TAFA2: variants seen among roughly 807,000 people sequenced by gnomAD.
The protein encoded by TAFA2 is TAFA chemokine like family member 2, also known as chemokine-like protein TAFA-2.
Under a neutral mutation model 18.8 loss-of-function variants are expected in TAFA2, and 7 were observed. The ratio of observed to expected loss-of-function variants is 0.37; its 90% CI spans 0.21 to 0.70. The LOEUF (loss-of-function observed/expected upper bound fraction) is 0.70. Among genes scored for constraint, TAFA2 ranks in the 30% least tolerant of loss-of-function variants. The pLI, the probability that TAFA2 is intolerant of heterozygous loss-of-function variation, is 0.53. For synonymous variants in TAFA2, 60 were observed against 54.2 expected (o/e 1.11, Z -0.47); for missense variants, 122 against 158.1 (o/e 0.77, Z 1.23).
intron 1 of TAFA2, among the ~76,000 whole-genome samples, chr12:62,247,328 G>T (rs995237287): frequency 6.6e-6 from 1 of 152,130 alleles, no homozygotes; most frequent in Non-Finnish European, 1.5e-5. Flanking sequence ...TTATAGAGGT[G>T]TAATGTCAAA....
At chr12:61,914,477 G>A (rs1481122923) in intron 1 of TAFA2, among the ~76,000 whole-genome samples, 1 of 152,104 alleles carries the variant, frequency 6.6e-6, no homozygotes, top group African/African-American at 2.4e-5. Flanking sequence ...AGAAAGCCTG[G>A]TTTTTTGAAA....
At chr12:62,222,209 A>C (rs1312521531) in intron 1 of TAFA2, among the ~76,000 whole-genome samples, 2 of 152,008 alleles carry the variant, frequency 1.3e-5, no homozygotes, top group Non-Finnish European at 2.9e-5. Context: ...ACACACACAC[A>C]CATCTGGAGT....
intron 1 of TAFA2, among the ~76,000 whole-genome samples, chr12:62,099,065 C>T (rs1251513502): frequency 6.6e-6 from 1 of 151,918 alleles, no homozygotes. Flanking sequence ...TTATTTAATC[C>T]AGTACATGTC....
intron 1 of TAFA2, among the ~76,000 whole-genome samples, chr12:62,164,788 A>G (rs1375460938): frequency 6.6e-6 from 1 of 152,116 alleles, no homozygotes; most frequent in Non-Finnish European, 1.5e-5. Flanking sequence ...TTAAATAGAA[A>G]GGACATTGAG....
chr12:62,162,770 A>G (rs1312195483), intron 1 of TAFA2, among the ~76,000 whole-genome samples: 2 of 152,250 alleles, frequency 1.3e-5, no homozygotes, highest in East Asian at 3.9e-4. Context: ...AGGAATTTAG[A>G]TCAACAAATA....
intron 1 of TAFA2, among the ~76,000 whole-genome samples, chr12:62,230,727 G>C (rs372442824): frequency 2.6e-5 from 4 of 152,144 alleles, no homozygotes; most frequent in East Asian, 1.9e-4. Flanking sequence ...ACCCAGGCTG[G>C]AGTGCAGTGA....
At chr12:61,742,488 T>C (rs1047709319) in intron 4 of TAFA2, among the ~76,000 whole-genome samples, 1 of 152,112 alleles carries the variant, frequency 6.6e-6, no homozygotes, top group Admixed American at 6.5e-5. Context: ...CCCCAGACTC[T>C]GGTCTTTCTT....
chr12:61,919,054 A>T lies in TAFA2; in HGVS notation c.-1-51628T>A, dbSNP rs1876940431. On this transcript the variant is annotated intron_variant, in intron 1 of 4. Transcript: ENST00000416284. ...TAAGTAAAGCATATAGCATACTGCC[A>T]ACAGTGGCCTGTTAAGTAATTGTAG... Among the ~76,000 whole-genome samples, 5 of 152,224 alleles carry T rather than the reference A, an allele frequency of 3.3e-5. No homozygotes were observed. In the South Asian group the frequency reaches 1.0e-3, roughly 31 times the overall value.
intron 2 of TAFA2, among the ~76,000 whole-genome samples, chr12:61,763,556 G>A (rs1347455611): frequency 1.3e-5 from 2 of 151,808 alleles, no homozygotes; most frequent in Non-Finnish European, 1.5e-5. Context: ...ACACTGTCCA[G>A]CAACTTCTGC....
intron 1 of TAFA2, among the ~76,000 whole-genome samples, chr12:62,202,655 T>C (rs1592398655): frequency 6.6e-6 from 1 of 152,170 alleles, no homozygotes; most frequent in South Asian, 2.1e-4. Context: ...TTTAGTGTTA[T>C]AAATTTCCCT....
intron 1 of TAFA2, among the ~76,000 whole-genome samples, chr12:61,884,182 C>T (rs889119595): frequency 2.0e-4 from 31 of 152,122 alleles, no homozygotes; most frequent in African/African-American, 6.5e-4. Flanking sequence ...GTGTATTAAG[C>T]GGAGGAATAA....
chr12:61,924,710 T>A (rs1877203518), intron 1 of TAFA2, among the ~76,000 whole-genome samples: 1 of 152,164 alleles, frequency 6.6e-6, no homozygotes, highest in African/African-American at 2.4e-5. Context: ...GCTACCATCA[T>A]AATGACAGGA....
At chr12:61,967,927 C>T (rs1325296243) in intron 1 of TAFA2, among the ~76,000 whole-genome samples, 4 of 151,782 alleles carry the variant, frequency 2.6e-5, no homozygotes, top group African/African-American at 9.7e-5. Flanking sequence ...TCTGCAGTCC[C>T]ATATTTCTGT....
intron 1 of TAFA2, among the ~76,000 whole-genome samples, chr12:62,213,928 TACAA>T (rs2062723779): frequency 6.6e-6 from 1 of 152,186 alleles, no homozygotes; most frequent in African/African-American, 2.4e-5. Context: ...TAGACCTGTG[TACAA>T]ACAAACAAAA....
chr12:62,058,758 T>G (rs1261773775), intron 1 of TAFA2, among the ~76,000 whole-genome samples: 1 of 152,194 alleles, frequency 6.6e-6, no homozygotes, highest in Admixed American at 6.5e-5. Flanking sequence ...TCCAAGAGTT[T>G]GAGACCAGCC....
intron 1 of TAFA2, chr12:62,234,431 G>A (rs1374745825): frequency 2.6e-5 from 20 of 757,948 alleles, no homozygotes; most frequent in African/African-American, 1.2e-4. Flanking sequence ...TTGTTGGCCC[G>A]TGGGTCTGAG....
chr12:62,157,472 A>G (rs2062378354), intron 1 of TAFA2, among the ~76,000 whole-genome samples: 1 of 152,152 alleles, frequency 6.6e-6, no homozygotes, highest in Non-Finnish European at 1.5e-5. Flanking sequence ...TAAGGAGCAG[A>G]TTGTTTGGAA....
chr12:62,142,690 G>T (rs1350905214), intron 1 of TAFA2, among the ~76,000 whole-genome samples: 2 of 152,128 alleles, frequency 1.3e-5, no homozygotes, highest in South Asian at 2.1e-4. Context: ...CATGGTATTT[G>T]CTGGAAGAGG....
Position 62,013,776 on chromosome 12 carries a change from A to T in TAFA2, c.-1-146350T>A, listed in dbSNP as rs150137591. Among the ~76,000 whole-genome samples the T allele has an allele frequency of 2.5e-3, 376 of 152,348 alleles. 1 individual carries two copies. Among genetic ancestry groups the T allele is most frequent in the African/African-American group, 8.2e-3 (340 of 41,582 alleles). On this transcript the variant is annotated intron_variant, in intron 1 of 4. Coordinates refer to ENST00000416284, the MANE Select transcript of TAFA2 (RefSeq NM_178539.5). ...TAATATTAGACACTGGGAGATTCAA[A>T]GTGTAAATATAACAAACTAGTTGTA...
Sources: allele counts gnomAD v4.1 joint callset (sites outside exome capture counted in the v4.1 genomes callset), GRCh38; gene constraint gnomAD v4.1.1; transcripts MANE v1.5; gene names NCBI Gene and HGNC (gene_info 2026-07-23, HGNC 2026-07-21).